CDC42BPA: variants seen among roughly 807,000 people sequenced by gnomAD.
The protein encoded by CDC42BPA is serine/threonine-protein kinase MRCK alpha.
In CDC42BPA, 80 loss-of-function variants were observed where a neutral mutation model predicts 223.5. The observed-to-expected ratio is 0.36, with a 90% CI of 0.30 to 0.43. The LOEUF is 0.43. CDC42BPA is among the 20% of genes least tolerant of loss of function. The pLI is 1.00. For synonymous variants in CDC42BPA, 694 were observed against 718.6 expected, an observed-to-expected ratio of 0.97 and a Z score of 0.55; for missense variants, 1,743 against 2,099.9, an observed-to-expected ratio of 0.83 and a Z score of 3.32.
At chr1:227,020,630 G>C (rs934005939) in intron 32 of CDC42BPA, among the ~76,000 whole-genome samples, 1 of 152,190 alleles carries the variant, frequency 6.6e-6, no homozygotes, top group African/African-American at 2.4e-5. Context: ...TTAGGCTTTG[G>C]CTTAAGGGAA....
chr1:227,313,343 A>C (rs16847634), intron 1 of CDC42BPA, among the ~76,000 whole-genome samples: 1 of 152,066 alleles, frequency 6.6e-6, no homozygotes, highest in African/African-American at 2.4e-5. Context: ...AATGCCAGTA[A>C]CCAGTATCAT....
intron 35 of CDC42BPA, among the ~76,000 whole-genome samples, chr1:227,000,407 A>T (rs1662578092): frequency 6.6e-6 from 1 of 152,218 alleles, no homozygotes; most frequent in African/African-American, 2.4e-5. Flanking sequence ...TCAGTTCAAA[A>T]AATAATGAAA....
At chr1:227,135,855 CAAAAAAAAAAAAAAAAAAAAAAAA>C (rs1175091904) in intron 10 of CDC42BPA, among the ~76,000 whole-genome samples, 2 of 6,578 alleles carry the variant, frequency 3.0e-4, no homozygotes, top group East Asian at 3.2e-3. Context: ...CTCTGTCTCC[CAAAAAAAAAAAAAAAAAAAAAAAA>C]AAAAAAAAAA....
At chr1:227,001,576 T>C (rs573572432) in intron 35 of CDC42BPA, among the ~76,000 whole-genome samples, 2 of 152,324 alleles carry the variant, frequency 1.3e-5, no homozygotes, top group Admixed American at 1.3e-4. Flanking sequence ...AAAAGTTTTT[T>C]CACAAGCTTG....
At chr1:227,109,053 T>A (rs1572861334) in intron 14 of CDC42BPA, among the ~76,000 whole-genome samples, 1 of 152,130 alleles carries the variant, frequency 6.6e-6, no homozygotes, top group East Asian at 1.9e-4. Flanking sequence ...ATAAATATGG[T>A]ATAAAAGTAA....
At chr1:227,112,278 A>T in intron 14 of CDC42BPA, 34 bp downstream of exon 14, 1 of 1,280,590 alleles carries the variant, frequency 7.8e-7, no homozygotes, top group Non-Finnish European at 1.1e-6. Flanking sequence ...GAAGAAAATC[A>T]ATTAAGCTTC....
chr1:227,022,406 C>T (rs1198623372), intron 32 of CDC42BPA, among the ~76,000 whole-genome samples: 1 of 151,134 alleles, frequency 6.6e-6, no homozygotes, highest in Middle Eastern at 3.2e-3. Flanking sequence ...GCACTATAGC[C>T]TGGGCAACAG....
chr1:227,155,724 A>C (rs1024104784), intron 6 of CDC42BPA, among the ~76,000 whole-genome samples: 2 of 152,230 alleles, frequency 1.3e-5, no homozygotes, highest in African/African-American at 4.8e-5. Context: ...GGAAGAATAA[A>C]AAGGTTCTGA....
chr1:227,040,351 T>G, intron 23 of CDC42BPA, 115 bp from the exon 24 acceptor site: 1 of 642,342 alleles, frequency 1.6e-6, no homozygotes, highest in Non-Finnish European at 2.7e-6. Flanking sequence ...TAGAATGAAT[T>G]ATTTCCATTT....
chr1:227,072,075 T>A lies in CDC42BPA; in HGVS notation c.2827+133A>T, dbSNP rs987573620. On this transcript the variant is annotated intron_variant, in intron 20 of 36. Transcript: ENST00000366766. Reference sequence around the variant, plus strand: ...CACATGCATCATATATACACACGTATATTCATAAATGAGTGCCAGAATTGC... The same window carrying A: ...CACATGCATCATATATACACACGTAAATTCATAAATGAGTGCCAGAATTGC... The A allele has an allele frequency of 4.4e-5, 24 of 546,478 alleles. No individual in the cohort carries two copies. The African/African-American group carries it at 4.5e-4, about 10-fold the overall frequency. 33.9% of individuals were successfully genotyped at this position (546,478 alleles called of 1,614,324 possible). A position where few individuals can be genotyped will look rare whatever the true frequency, so the allele number is the denominator to read the frequency against.
intron 7 of CDC42BPA, among the ~76,000 whole-genome samples, chr1:227,146,298 C>G (rs771995217): frequency 6.6e-6 from 1 of 152,048 alleles, no homozygotes; most frequent in Non-Finnish European, 1.5e-5. Flanking sequence ...AGAATTTGAA[C>G]TGAAGCTGTA....
At position 227,112,713 on chromosome 1, in the gene CDC42BPA, G is replaced by A; in HGVS notation, c.1848C>T (p.Ser616=). The A allele has an allele frequency of 1.2e-6, 2 of 1,614,016 alleles. No individual in the cohort carries two copies. Among genetic ancestry groups the A allele is most frequent in the Non-Finnish European group, 1.7e-6 (2 of 1,179,982 alleles). The change falls in exon 13 of 37, where the codon AGC becomes AGT. Residue 616 remains serine (S), a synonymous_variant. Transcript: ENST00000366766. ...EVDLVMQKVE[S]LRQELRRTER... The stretch of plus-strand genomic sequence containing the variant: ...CTGTTCTGCGCAGTTCTTGCCTTAA[G>A]CTTTCAACTTTTTGCATCACCAGGT...
rs1661133978 is a variant in CDC42BPA at position 226,994,329 on chromosome 1, G to A, written c.5204C>T (p.Ser1735Leu). The A allele has an allele frequency of 3.1e-6, 5 of 1,599,862 alleles. No homozygotes were observed. The highest frequency in any genetic ancestry group is 4.3e-6 in the Non-Finnish European group (5 of 1,172,050). ...SNLSSPPSPA[S>L]PRKTKSLSLE... ...GGAGAGGCTCTTGGTTTTTCGGGGT[G>A]AAGCTGGGCTTGGGGGGCTGCTTAG... Residue 1735 changes from serine to leucine, a missense_variant, in exon 37 of 37, where the codon TCA (serine) becomes TTA (leucine). Transcript: ENST00000366766. This position sits in a 1 kb window ranked among gnomAD's most constrained non-coding sequence, Gnocchi z 4.0.
At chr1:227,199,923 C>A (rs1455344405) in intron 3 of CDC42BPA, among the ~76,000 whole-genome samples, 1 of 151,846 alleles carries the variant, frequency 6.6e-6, no homozygotes, top group African/African-American at 2.4e-5. Flanking sequence ...ATGGACCAAC[C>A]CACCATCCAG....
rs376785405 is a variant in CDC42BPA, at chr1:227,005,764, A to G, written c.4858-653T>C. ...TTTCAAAGAGTTTATAAACAGGTTT[A>G]TATACATTTACTTGGAAGATTTACC... is the stretch of plus-strand genomic sequence containing the variant. On this transcript the variant is annotated intron_variant, in intron 34 of 36. Coordinates refer to ENST00000366766, the MANE Select transcript of CDC42BPA (RefSeq NM_001394014.1). Among the ~76,000 whole-genome samples the G allele has an allele frequency of 4.1e-4, 63 of 152,330 alleles. No individual in the cohort carries two copies. The South Asian group carries it at 4.6e-3, about 11-fold the overall frequency.
At chr1:227,210,862 C>T (rs1673745913) in intron 3 of CDC42BPA, among the ~76,000 whole-genome samples, 2 of 152,182 alleles carry the variant, frequency 1.3e-5, no homozygotes, top group African/African-American at 4.8e-5. Flanking sequence ...CCATGTCCTT[C>T]AGGGGTAGCC....
At chr1:227,268,554 C>A (rs1685393331) in intron 1 of CDC42BPA, among the ~76,000 whole-genome samples, 1 of 144,150 alleles carries the variant, frequency 6.9e-6, no homozygotes, top group African/African-American at 2.6e-5. Flanking sequence ...TATATGTATA[C>A]TTTTTTCTGT....
chr1:227,135,898 A>G, intron 10 of CDC42BPA, among the ~76,000 whole-genome samples: 1 of 138,292 alleles, frequency 7.2e-6, no homozygotes, highest in Non-Finnish European at 1.6e-5. Context: ...AAAAAAAAAA[A>G]AAAAGCAATT....
At chr1:227,061,896 T>C (rs1400686625) in intron 21 of CDC42BPA, among the ~76,000 whole-genome samples, 1 of 152,190 alleles carries the variant, frequency 6.6e-6, no homozygotes, top group Non-Finnish European at 1.5e-5. Flanking sequence ...CTGTTGCCAG[T>C]CCACTCCTCT....
Sources: gnomAD v4.1 joint callset for allele counts (sites outside exome capture counted in the v4.1 genomes callset) on GRCh38, gnomAD v4.1.1 for gene constraint, Gnocchi (gnomAD v3.1) non-coding constraint, MANE v1.5 for transcripts, NCBI Gene and HGNC (gene_info 2026-07-23, HGNC 2026-07-21) for gene names.